The following PIAS2 variants were observed in gnomAD, a reference collection of about 807,000 sequenced individuals.
PIAS2 encodes E3 SUMO-protein ligase PIAS2.
A neutral mutation model predicts 69.7 loss-of-function variants in PIAS2; 19 were observed. The ratio of observed to expected loss-of-function variants is 0.27; its 90% CI spans 0.19 to 0.40. The LOEUF (loss-of-function observed/expected upper bound fraction) is 0.40, where lower values mean the gene tolerates loss of function less well. PIAS2 is among the 10% of genes least tolerant of loss of function. The pLI is 1.00. For missense variants in PIAS2, 624 were observed against 757.0 expected (o/e 0.82, Z 2.06); for synonymous variants, 261 against 263.2 (o/e 0.99, Z 0.08).
intron 2 of PIAS2, among the ~76,000 whole-genome samples, chr18:46,875,814 T>C (rs2051089149): frequency 6.6e-6 from 1 of 152,188 alleles, no homozygotes; most frequent in Non-Finnish European, 1.5e-5. Flanking sequence ...GCCCAGACTG[T>C]CCCCTTTCCA....
intron 5 of PIAS2, among the ~76,000 whole-genome samples, chr18:46,850,135 T>A (rs2046751859): frequency 1.3e-5 from 2 of 152,194 alleles, no homozygotes; most frequent in African/African-American, 4.8e-5. Flanking sequence ...AAGTATAATA[T>A]GTATATATCT....
intron 1 of PIAS2, among the ~76,000 whole-genome samples, chr18:46,894,823 C>A (rs573642179): frequency 2.0e-5 from 3 of 152,188 alleles, no homozygotes; most frequent in Non-Finnish European, 4.4e-5. Flanking sequence ...GTAATCCCAG[C>A]ACTTTGGGAG....
intron 1 of PIAS2, chr18:46,917,005 C>G: frequency 1.0e-6 from 1 of 986,746 alleles, no homozygotes; most frequent in Middle Eastern, 5.2e-4. Context: ...GCCCTCACTG[C>G]GAACCGGGAT....
chr18:46,864,669 C>T (rs962738128), intron 2 of PIAS2, among the ~76,000 whole-genome samples: 5 of 151,352 alleles, frequency 3.3e-5, no homozygotes, highest in Middle Eastern at 3.4e-3. Flanking sequence ...ACATGGGAGG[C>T]GGAGGCAGGA....
chr18:46,807,392 T>G lies in PIAS2; in HGVS notation c.*5041A>C, dbSNP rs1469582035. 1 of 66,830 alleles carries G rather than the reference T, an allele frequency of 1.5e-5. No homozygotes were observed. The highest frequency in any genetic ancestry group is 5.6e-5 in the African/African-American group (1 of 17,998). The allele number at this position is 66,830 out of a possible 1,614,324, so 4.1% of individuals were successfully genotyped here. On this transcript the variant is annotated 3_prime_UTR_variant, in exon 14 of 14. Coordinates refer to ENST00000585916, the MANE Select transcript of PIAS2 (RefSeq NM_004671.5). ...ATATATATATATATATATTTTTTTTTTTTTTTTTTTTTTTTTTTAGAGAGT... is the reference window on the plus strand; with the variant it reads ...ATATATATATATATATATTTTTTTTGTTTTTTTTTTTTTTTTTTAGAGAGT...
intron 1 of PIAS2, chr18:46,893,619 G>C (rs2054397971): frequency 1.8e-5 from 3 of 164,842 alleles, no homozygotes; most frequent in Non-Finnish European, 1.3e-5. Flanking sequence ...CAGCAGATGG[G>C]ACAGTCTTTG....
intron 7 of PIAS2, 63 bp from the exon 8 acceptor site, chr18:46,844,190 T>C: frequency 5.3e-6 from 4 of 747,664 alleles, no homozygotes; most frequent in East Asian, 2.9e-5. Context: ...AATGGAATTA[T>C]AGAAATATAT....
chr18:46,836,380 G>A lies in PIAS2; in HGVS notation c.1179C>T (p.Ala393=), dbSNP rs752740096. The change falls in exon 9 of 14, where the codon GCC becomes GCT. Residue 393 remains alanine, a synonymous_variant. Transcript: ENST00000585916. Reference sequence around the variant, plus strand: ...ACCCATCTAATATTAGACTTTCATAGGCAGCTTTTTTGTCACACACAGGAC... The same window carrying A: ...ACCCATCTAATATTAGACTTTCATAAGCAGCTTTTTTGTCACACACAGGAC... ...WICPVCDKKA[A]YESLILDGLF... The A allele has an allele frequency of 1.2e-6, 2 of 1,613,870 alleles. No homozygotes were observed. Among genetic ancestry groups the A allele is most frequent in the East Asian group, 2.2e-5 (1 of 44,862 alleles).
chr18:46,851,254 A>G (rs1224952798), intron 5 of PIAS2, among the ~76,000 whole-genome samples: 1 of 152,224 alleles, frequency 6.6e-6, no homozygotes, highest in African/African-American at 2.4e-5. Flanking sequence ...CAAAGGAACT[A>G]CTTGGAGATT....
intron 3 of PIAS2, among the ~76,000 whole-genome samples, chr18:46,863,733 T>C (rs140212101): frequency 2.5e-3 from 381 of 152,356 alleles, no homozygotes; most frequent in Non-Finnish European, 3.9e-3. Context: ...TTAGTCAAAG[T>C]ATACTACCCT....
chr18:46,905,035 C>T (rs2056417566), intron 1 of PIAS2, among the ~76,000 whole-genome samples: 1 of 152,144 alleles, frequency 6.6e-6, no homozygotes, highest in Non-Finnish European at 1.5e-5. Context: ...AACAAGGCTA[C>T]ATAATGAACA....
upstream of PIAS2, among the ~76,000 whole-genome samples, chr18:46,919,418 G>T (rs142960808): frequency 2.0e-5 from 3 of 152,016 alleles, no homozygotes; most frequent in South Asian, 4.1e-4. Context: ...CCCTGGAGGC[G>T]GAGGTTCCAG....
At position 46,844,042 on chromosome 18, in the gene PIAS2, T is replaced by G; in HGVS notation, c.1041+12A>C. The G allele has an allele frequency of 6.8e-7, 1 of 1,461,204 alleles. No individual in the cohort carries two copies. The highest frequency in any genetic ancestry group is 9.2e-7 in the Non-Finnish European group (1 of 1,090,260). 90.5% of individuals were successfully genotyped at this position (1,461,204 alleles called of 1,614,324 possible). ...AGTCAAATTCCCCAAAATGTTTTGT[T>G]GCTTTACTTACAGGGCACATCAAGG... On this transcript the variant is annotated intron_variant, in intron 8 of 13. Transcript: ENST00000585916.
intron 1 of PIAS2, among the ~76,000 whole-genome samples, chr18:46,896,165 CAAA>C (rs1199712335): frequency 3.1e-5 from 1 of 31,950 alleles, no homozygotes; most frequent in Non-Finnish European, 6.2e-5. Flanking sequence ...AAGAAAAAAG[CAAA>C]AAAAAAAAAA....
At chr18:46,856,147 A>G (rs2047779457) in intron 3 of PIAS2, among the ~76,000 whole-genome samples, 1 of 151,230 alleles carries the variant, frequency 6.6e-6, no homozygotes, top group South Asian at 2.1e-4. Flanking sequence ...CTGGGACTAC[A>G]GGCGCCCGCC....
At chr18:46,879,501 G>A (rs2051828452) in intron 2 of PIAS2, among the ~76,000 whole-genome samples, 2 of 152,118 alleles carry the variant, frequency 1.3e-5, no homozygotes, top group South Asian at 4.1e-4. Flanking sequence ...CAGTTTAGTG[G>A]TTCCTCAAAT....
At chr18:46,870,532 C>T (rs766086218) in intron 2 of PIAS2, among the ~76,000 whole-genome samples, 10 of 132,954 alleles carry the variant, frequency 7.5e-5, no homozygotes, top group South Asian at 5.0e-4. Flanking sequence ...AGAAGAATGG[C>T]GTGAACCCAG....
intron 6 of PIAS2, 79 bp downstream of exon 6, chr18:46,846,628 C>A: frequency 7.4e-7 from 1 of 1,352,240 alleles, no homozygotes; most frequent in Non-Finnish European, 9.9e-7. Flanking sequence ...AGAGCTGAAG[C>A]CAACAGCTTA....
intron 2 of PIAS2, among the ~76,000 whole-genome samples, chr18:46,878,778 G>A (rs1194725321): frequency 6.6e-6 from 1 of 152,226 alleles, no homozygotes; most frequent in Non-Finnish European, 1.5e-5. Flanking sequence ...TGCGGTAGCA[G>A]AATCACTAGA....
Sources: allele counts gnomAD v4.1 joint callset (sites outside exome capture counted in the v4.1 genomes callset), GRCh38; gene constraint gnomAD v4.1.1; transcripts MANE v1.5; gene names NCBI Gene and HGNC (gene_info 2026-07-23, HGNC 2026-07-21).